Variants in GLIS3 observed in about 807,000 individuals in gnomAD.
The protein encoded by GLIS3 is zinc finger protein GLIS3.
GLIS3 carries 53 observed loss-of-function variants against 78.6 expected under a neutral mutation model. The ratio of observed to expected loss-of-function variants is 0.67; its 90% CI spans 0.54 to 0.85. The LOEUF is 0.85. GLIS3 is among the 40% of genes least tolerant of loss of function. The pLI is 0.00. For missense variants in GLIS3, 1,703 were observed against 1,231.1 expected (o/e 1.38, Z -5.74); for synonymous variants, 684 against 509.9 (o/e 1.34, Z -4.60).
intron 4 of GLIS3, among the ~76,000 whole-genome samples, chr9:3,973,508 A>C (rs137928093): frequency 1.6e-4 from 25 of 152,260 alleles, no homozygotes; most frequent in Non-Finnish European, 3.5e-4. Context: ...ATTAATATGA[A>C]TTACCTCCCA....
intron 4 of GLIS3, among the ~76,000 whole-genome samples, chr9:3,980,085 G>A (rs1412151617): frequency 6.6e-6 from 1 of 152,192 alleles, no homozygotes; most frequent in Non-Finnish European, 1.5e-5. Flanking sequence ...GGAGTTGGGA[G>A]AGACCAGTTT....
chr9:4,399,270 T>C, the GLIS3 span, among the ~76,000 whole-genome samples: 1 of 152,250 alleles, frequency 6.6e-6, no homozygotes, highest in Non-Finnish European at 1.5e-5. Context: ...ATGTACCCCA[T>C]GTATATATTA....
At chr9:4,484,350 G>A in the GLIS3 span, among the ~76,000 whole-genome samples, 5 of 143,388 alleles carry the variant, frequency 3.5e-5, no homozygotes, top group African/African-American at 1.0e-4. Flanking sequence ...CGATTATCCT[G>A]CCTCAGCCTC....
chr9:4,298,409 A>C (rs763042516), intron 1 of GLIS3: 46 of 456,136 alleles, frequency 1.0e-4, no homozygotes, highest in Admixed American at 1.6e-4. Context: ...ATAGGATGAC[A>C]AATCAGCCAG....
At position 4,299,578 on chromosome 9, in the gene GLIS3, AC is replaced by A. The variant is rs1294309071; in HGVS notation, c.-257del. On this transcript the variant is annotated 5_prime_UTR_variant, in exon 1 of 11. The change abolishes the stop of an existing upstream ORF in the 5' untranslated region. Coordinates refer to ENST00000381971, the MANE Select transcript of GLIS3 (RefSeq NM_001042413.2). ...GGCTGTGCCTCCTTCGGAAATGAAA[AC>A]CCCCATCCAAACGGGGGGACGGAGC... 1.3e-5 allele frequency: 2 copies of A among 150,204 alleles called. No individual in the cohort carries two copies. The highest frequency in any genetic ancestry group is 3.0e-5 in the Non-Finnish European group (2 of 67,546). 9.3% of individuals were successfully genotyped at this position (150,204 alleles called of 1,614,324 possible).
At chr9:4,039,286 C>T (rs616081) in intron 4 of GLIS3, among the ~76,000 whole-genome samples, 26,651 of 151,998 alleles carry the variant, frequency 0.18, 3,270 homozygotes, top group African/African-American at 0.36. Context: ...AATTTGAAGA[C>T]TTGACTGAAA....
At chr9:4,126,973 G>A (rs989135509) in intron 2 of GLIS3, among the ~76,000 whole-genome samples, 2 of 152,040 alleles carry the variant, frequency 1.3e-5, no homozygotes, top group Admixed American at 1.3e-4. Context: ...TAGCTGTAGG[G>A]GTCATAATTT....
intron 2 of GLIS3, among the ~76,000 whole-genome samples, chr9:4,282,420 G>A (rs1360712279): frequency 1.3e-5 from 2 of 152,208 alleles, no homozygotes; most frequent in South Asian, 4.1e-4. Context: ...CAGCCCATCA[G>A]TTGAAGTCCT....
At chr9:4,059,829 T>TGTGTGTGTGTGA in intron 4 of GLIS3, among the ~76,000 whole-genome samples, 4,657 of 100,736 alleles carry the variant, frequency 0.046, 174 homozygotes, top group Non-Finnish European at 0.071. Flanking sequence ...TGTGTGTGTG[T>TGTGTGTGTGTGA]GAGAGAGAGA....
intron 2 of GLIS3, among the ~76,000 whole-genome samples, chr9:4,248,163 C>A (rs750614341): frequency 6.6e-6 from 1 of 152,056 alleles, no homozygotes; most frequent in Non-Finnish European, 1.5e-5. Context: ...TAGGTATGCA[C>A]GTGACATAAT....
chr9:3,872,860 C>T (rs1159957253), intron 8 of GLIS3, among the ~76,000 whole-genome samples: 5 of 151,978 alleles, frequency 3.3e-5, no homozygotes, highest in African/African-American at 9.7e-5. Flanking sequence ...AAAAACATAC[C>T]TCAAAGAACT....
At chr9:4,478,760 T>C in the GLIS3 span, among the ~76,000 whole-genome samples, 1 of 152,232 alleles carries the variant, frequency 6.6e-6, no homozygotes, top group African/African-American at 2.4e-5. Flanking sequence ...CCAGAAAATA[T>C]ATGCAGAAGA....
intron 3 of GLIS3, among the ~76,000 whole-genome samples, chr9:4,122,440 C>G (rs1832260503): frequency 6.6e-6 from 1 of 152,136 alleles, no homozygotes; most frequent in Admixed American, 6.5e-5. Flanking sequence ...ATCCTCAACC[C>G]CCTTAGCCTT....
intron 8 of GLIS3, among the ~76,000 whole-genome samples, chr9:3,875,840 T>A (rs988631004): frequency 6.6e-6 from 1 of 152,108 alleles, no homozygotes; most frequent in African/African-American, 2.4e-5. Flanking sequence ...AAATGTCCAT[T>A]TCATTCTCCC....
intron 2 of GLIS3, among the ~76,000 whole-genome samples, chr9:4,220,622 C>A (rs1355620652): frequency 6.6e-6 from 1 of 151,978 alleles, no homozygotes; most frequent in African/African-American, 2.4e-5. Context: ...ACTGGGCATA[C>A]TGAGGCATGT....
At chr9:4,394,130 T>G in the GLIS3 span, among the ~76,000 whole-genome samples, 1 of 151,354 alleles carries the variant, frequency 6.6e-6, no homozygotes, top group African/African-American at 2.4e-5. Flanking sequence ...ATTTCTAAAT[T>G]TATTTTGACC....
intron 1 of GLIS3, among the ~76,000 whole-genome samples, chr9:4,297,927 C>T (rs979877628): frequency 6.7e-6 from 1 of 149,964 alleles, no homozygotes; most frequent in African/African-American, 2.5e-5. Context: ...GGAGATTCCT[C>T]GGCGCGGAGC....
chr9:4,357,327 C>T, the GLIS3 span, among the ~76,000 whole-genome samples: 6 of 152,294 alleles, frequency 3.9e-5, no homozygotes, highest in East Asian at 1.2e-3. Context: ...ATCCAATCCC[C>T]TGGAAGCTTT....
At chr9:4,123,116 T>C (rs901284068) in intron 3 of GLIS3, among the ~76,000 whole-genome samples, 4 of 151,730 alleles carry the variant, frequency 2.6e-5, no homozygotes, top group African/African-American at 9.7e-5. Context: ...AAAGAAAAAA[T>C]ACAAACAGCC....
Sources: allele counts gnomAD v4.1 joint callset (sites outside exome capture counted in the v4.1 genomes callset), GRCh38; gene constraint gnomAD v4.1.1; transcripts MANE v1.5; gene names NCBI Gene and HGNC (gene_info 2026-07-23, HGNC 2026-07-21).